The following PTK2B variants were observed in gnomAD, a reference collection of about 807,000 sequenced individuals.
PTK2B encodes the protein protein-tyrosine kinase 2-beta.
Under a neutral mutation model 142.9 loss-of-function variants are expected in PTK2B, and 71 were observed. The observed-to-expected ratio is 0.50, with a 90% CI of 0.41 to 0.61. The LOEUF (loss-of-function observed/expected upper bound fraction) is 0.61, where lower values mean the gene tolerates loss of function less well. PTK2B is among the 20% of genes least tolerant of loss of function. The probability of loss-of-function intolerance (pLI) is 0.00; values close to 1 mark genes in which losing one functional copy is unlikely to be tolerated. For synonymous variants in PTK2B, 519 were observed against 503.4 expected (o/e 1.03, Z -0.42); for missense variants, 1,105 against 1,320.4 (o/e 0.84, Z 2.53).
rs747346795 is a variant in PTK2B, at chr8:27,445,868, G to A, written c.2289G>A (p.Leu763=). 6.2e-7 allele frequency: 1 copy of A among 1,614,008 alleles called. No homozygotes were observed. Among genetic ancestry groups the A allele is most frequent in the Non-Finnish European group, 8.5e-7 (1 of 1,180,028 alleles). The change falls in exon 24 of 31, where the codon CTG becomes CTA. Residue 763 remains leucine (L), a synonymous_variant. Transcript: ENST00000346049. ...AGTATCCATCTCCCGTTAACTCACT[G>A]CACACCCCACCTCTCCACCGGCACA... ...PMEYPSPVNS[L]HTPPLHRHNV...
At chr8:27,362,335 G>A (rs1805760993) in intron 1 of PTK2B, among the ~76,000 whole-genome samples, 1 of 152,176 alleles carries the variant, frequency 6.6e-6, no homozygotes, top group South Asian at 2.1e-4. Flanking sequence ...GCAGGTATGT[G>A]TCATTTCCTT....
At chr8:27,342,510 C>T (rs1333035459) in intron 1 of PTK2B, among the ~76,000 whole-genome samples, 1 of 152,128 alleles carries the variant, frequency 6.6e-6, no homozygotes, top group Non-Finnish European at 1.5e-5. Flanking sequence ...CTTTCCTGCC[C>T]ACAGCGCCCT....
Position 27,437,379 on chromosome 8 carries a change from GC to G in PTK2B, c.1427-13del. ...TTGAGCCGCTCCACCTGTCCCTCTTGCCCCACCACACTGCAGTGATCATGAA... is the reference window on the plus strand; with the variant it reads ...TTGAGCCGCTCCACCTGTCCCTCTTGCCCACCACACTGCAGTGATCATGAA... On this transcript the variant is annotated splice_polypyrimidine_tract_variant and intron_variant, in intron 16 of 30. Coordinates refer to ENST00000346049, the MANE Select transcript of PTK2B (RefSeq NM_173176.3). 1 of 1,603,320 alleles carries G rather than the reference GC, an allele frequency of 6.2e-7. No individual in the cohort carries two copies. The highest frequency in any genetic ancestry group is 8.5e-7 in the Non-Finnish European group (1 of 1,173,830).
At chr8:27,444,002 G>A (rs1811317358) in intron 22 of PTK2B, among the ~76,000 whole-genome samples, 1 of 152,226 alleles carries the variant, frequency 6.6e-6, no homozygotes, top group African/African-American at 2.4e-5. Context: ...AGGGCAGTGA[G>A]GTGGCTTCTT....
chr8:27,319,177 A>G (rs1409272302), intron 3 of PTK2B, among the ~76,000 whole-genome samples: 2 of 152,074 alleles, frequency 1.3e-5, no homozygotes, highest in South Asian at 2.1e-4. Flanking sequence ...AATGCACTCA[A>G]TATTTTAGAG....
At chr8:27,346,927 A>C (rs1023193415) in intron 1 of PTK2B, among the ~76,000 whole-genome samples, 1 of 152,230 alleles carries the variant, frequency 6.6e-6, no homozygotes, top group Admixed American at 6.5e-5. Flanking sequence ...GCAGTTTGAC[A>C]GCCCTCAGTG....
chr8:27,378,601 CTGTGTGTGTGTGTGTGTGTG>C (rs58485965), intron 1 of PTK2B, among the ~76,000 whole-genome samples: 4,474 of 148,254 alleles, frequency 0.03, 220 homozygotes, highest in African/African-American at 0.1. Context: ...TACAGCTTAT[CTGTGTGTGTGTGTGTGTGTG>C]TGTGTGTGTG....
At chr8:27,444,131 C>T (rs1811323695) in intron 22 of PTK2B, 75 bp from the exon 23 acceptor site, 2 of 1,465,132 alleles carry the variant, frequency 1.4e-6, no homozygotes, top group Non-Finnish European at 9.6e-7. Flanking sequence ...TGTCTTTGAC[C>T]TGATGTTCCC....
chr8:27,386,313 A>G (rs1218826761), intron 1 of PTK2B, among the ~76,000 whole-genome samples: 1 of 151,906 alleles, frequency 6.6e-6, no homozygotes, highest in Non-Finnish European at 1.5e-5. Flanking sequence ...TAGATGCGGT[A>G]TGTTTCCCAA....
intron 1 of PTK2B, among the ~76,000 whole-genome samples, chr8:27,367,124 T>A (rs1258876488): frequency 6.6e-6 from 1 of 152,180 alleles, no homozygotes; most frequent in Non-Finnish European, 1.5e-5. Flanking sequence ...ATGATGTTGT[T>A]TAAATGTTTA....
chr8:27,436,526 G>A (rs927066480), intron 15 of PTK2B, among the ~76,000 whole-genome samples, 178 bp downstream of exon 15: 25 of 152,106 alleles, frequency 1.6e-4, no homozygotes, highest in African/African-American at 5.1e-4. Flanking sequence ...GAGTGGTGGA[G>A]ACAAGAGTCA....
chr8:27,376,987 G>A (rs936628558), intron 1 of PTK2B, among the ~76,000 whole-genome samples: 6 of 152,026 alleles, frequency 3.9e-5, no homozygotes, highest in Admixed American at 1.3e-4. Flanking sequence ...GGTCTGGATC[G>A]GGACCCCTTT....
chr8:27,362,916 G>A (rs1371152108), intron 1 of PTK2B, among the ~76,000 whole-genome samples: 3 of 152,212 alleles, frequency 2.0e-5, no homozygotes, highest in Non-Finnish European at 4.4e-5. Context: ...TGGAAATGAG[G>A]TTCAGTAGGT....
At chr8:27,385,557 C>T (rs17057065) in intron 1 of PTK2B, among the ~76,000 whole-genome samples, 18,159 of 152,148 alleles carry the variant, frequency 0.12, 1,435 homozygotes, top group East Asian at 0.19. Context: ...TGGTAAGAAG[C>T]TCAGCCCCTC....
intron 1 of PTK2B, among the ~76,000 whole-genome samples, chr8:27,365,067 G>T (rs139699212): frequency 3.3e-5 from 5 of 152,122 alleles, no homozygotes. Context: ...TTCAACCCAC[G>T]TCTTCTTGTT....
intron 1 of PTK2B, among the ~76,000 whole-genome samples, chr8:27,382,917 T>A (rs1807116404): frequency 6.6e-6 from 1 of 152,236 alleles, no homozygotes; most frequent in African/African-American, 2.4e-5. Flanking sequence ...TCTGTGTGTC[T>A]GTTTTTATAT....
chr8:27,374,623 T>C (rs1806559337), intron 1 of PTK2B, among the ~76,000 whole-genome samples: 2 of 152,124 alleles, frequency 1.3e-5, no homozygotes, highest in Admixed American at 1.3e-4. Flanking sequence ...CTGGGGTGAT[T>C]AGGACAGTTG....
At chr8:27,332,410 C>T (rs1303442766) in intron 1 of PTK2B, among the ~76,000 whole-genome samples, 2 of 152,166 alleles carry the variant, frequency 1.3e-5, no homozygotes, top group Admixed American at 6.5e-5. Context: ...GGGATCAGAA[C>T]GTGGTGGGTT....
chr8:27,451,571 C>T, intron 27 of PTK2B, 62 bp downstream of exon 27: 4 of 1,612,580 alleles, frequency 2.5e-6, no homozygotes, highest in Non-Finnish European at 2.5e-6. Flanking sequence ...AGCCACCATC[C>T]TTGCCCACCG....
Sources: allele counts gnomAD v4.1 joint callset (sites outside exome capture counted in the v4.1 genomes callset), GRCh38; gene constraint gnomAD v4.1.1; transcripts MANE v1.5; gene names NCBI Gene and HGNC (gene_info 2026-07-23, HGNC 2026-07-21).